Variants in PHF24 observed in about 807,000 individuals in gnomAD.
PHF24 encodes PHD finger protein 24, also known as Galpha inhibitory interacting protein.
PHF24 carries 25 observed loss-of-function variants against 42.6 expected under a neutral mutation model. The observed-to-expected ratio is 0.59, with a 90% CI of 0.43 to 0.82. PHF24 has a LOEUF of 0.82. Ranked by LOEUF, PHF24 falls within the 40% of genes least tolerant of loss-of-function variation. PHF24 has a pLI of 0.00. For synonymous variants in PHF24, 185 were observed against 204.8 expected (o/e 0.90, Z 0.83); for missense variants, 470 against 538.1 (o/e 0.87, Z 1.25).
the PHF24 span, among the ~76,000 whole-genome samples, chr9:34,932,302 G>C: frequency 6.6e-6 from 1 of 152,220 alleles, no homozygotes; most frequent in South Asian, 2.1e-4. Flanking sequence ...AGAACTCCAG[G>C]GATGTGGTAA....
the PHF24 span, among the ~76,000 whole-genome samples, chr9:34,684,690 T>G: frequency 6.6e-6 from 1 of 152,176 alleles, no homozygotes. Flanking sequence ...GAGAGGACCC[T>G]TGAAATGATG....
intron 2 of PHF24, 139 bp from the exon 3 acceptor site, chr9:34,972,207 C>CA (rs1827016668): frequency 1.4e-6 from 1 of 712,326 alleles, no homozygotes. Context: ...AAAACCTCAA[C>CA]AATGGCTTCA....
At chr9:34,739,784 G>A in the PHF24 span, among the ~76,000 whole-genome samples, 3 of 152,144 alleles carry the variant, frequency 2.0e-5, no homozygotes, top group African/African-American at 7.2e-5. Context: ...CCAGCGTGTT[G>A]CCGCTGCTGG....
chr9:34,723,180 G>C, the PHF24 span: 2 of 1,514,742 alleles, frequency 1.3e-6, no homozygotes, highest in African/African-American at 2.8e-5. Context: ...TCATGGCTCT[G>C]CATGTTCTCC....
chr9:34,857,684 C>T, the PHF24 span, among the ~76,000 whole-genome samples: 1 of 152,206 alleles, frequency 6.6e-6, no homozygotes, highest in Non-Finnish European at 1.5e-5. Context: ...GCAGAATTCA[C>T]TAGCCATTTT....
the PHF24 span, among the ~76,000 whole-genome samples, chr9:34,880,296 C>T: frequency 2.0e-5 from 3 of 151,626 alleles, no homozygotes; most frequent in Non-Finnish European, 4.4e-5. Context: ...CATCAACTAA[C>T]GAGCAAAATA....
the PHF24 span, among the ~76,000 whole-genome samples, chr9:34,793,637 T>C: frequency 6.6e-6 from 1 of 152,136 alleles, no homozygotes; most frequent in Non-Finnish European, 1.5e-5. Context: ...GCCTGCAGTC[T>C]AGAAGTGAGT....
At chr9:34,773,806 A>G in the PHF24 span, among the ~76,000 whole-genome samples, 1 of 152,192 alleles carries the variant, frequency 6.6e-6, no homozygotes, top group East Asian at 1.9e-4. Context: ...AAAACTGTCA[A>G]GGTCGTAAAA....
the PHF24 span, among the ~76,000 whole-genome samples, chr9:34,864,004 A>T: frequency 6.6e-6 from 1 of 152,276 alleles, no homozygotes; most frequent in African/African-American, 2.4e-5. Context: ...TACAGCTGAC[A>T]TACTGAAGAA....
the PHF24 span, among the ~76,000 whole-genome samples, chr9:34,867,868 G>T: frequency 1.3e-5 from 2 of 152,068 alleles, no homozygotes; most frequent in South Asian, 4.1e-4. Flanking sequence ...ACCTGTAAGT[G>T]TAGATACTGT....
chr9:34,859,358 AG>A, the PHF24 span, among the ~76,000 whole-genome samples: 8 of 152,196 alleles, frequency 5.3e-5, no homozygotes. Context: ...TTTCAGTTTG[AG>A]GGGGGAATTG....
the PHF24 span, among the ~76,000 whole-genome samples, chr9:34,909,415 G>A: frequency 6.6e-6 from 1 of 152,038 alleles, no homozygotes; most frequent in East Asian, 1.9e-4. Context: ...GACATTTCAC[G>A]TGTTCTGCCT....
chr9:34,781,740 G>A, the PHF24 span, among the ~76,000 whole-genome samples: 10 of 151,796 alleles, frequency 6.6e-5, no homozygotes, highest in African/African-American at 2.4e-4. Flanking sequence ...AAAAAGCATT[G>A]TAGGAAGTAG....
At chr9:34,674,733 T>C in the PHF24 span, among the ~76,000 whole-genome samples, 1 of 152,256 alleles carries the variant, frequency 6.6e-6, no homozygotes, top group African/African-American at 2.4e-5. Flanking sequence ...ACGATTGTAG[T>C]GTGTCCTTGG....
chr9:34,912,290 A>G, the PHF24 span, among the ~76,000 whole-genome samples: 1 of 152,034 alleles, frequency 6.6e-6, no homozygotes, highest in Non-Finnish European at 1.5e-5. Context: ...TTCTCTAACT[A>G]CCTTGTCCTG....
chr9:34,837,745 C>T, the PHF24 span: 1 of 1,258,290 alleles, frequency 7.9e-7, no homozygotes, highest in Non-Finnish European at 1.1e-6. Context: ...ACACCATTTT[C>T]TTTCTCATGT....
At chr9:34,715,799 C>T in the PHF24 span, among the ~76,000 whole-genome samples, 202 of 152,302 alleles carry the variant, frequency 1.3e-3, 1 homozygote, top group African/African-American at 4.5e-3. Context: ...GGCCCACTAC[C>T]TCTCTAGGAC....
At chr9:34,974,660 G>A (rs548987664) in intron 3 of PHF24, among the ~76,000 whole-genome samples, 12 of 151,882 alleles carry the variant, frequency 7.9e-5, no homozygotes, top group East Asian at 3.9e-4. Flanking sequence ...TTCTCACTGC[G>A]CCCTCTTTGG....
the PHF24 span, among the ~76,000 whole-genome samples, chr9:34,677,281 AG>A: frequency 6.6e-6 from 1 of 151,048 alleles, no homozygotes; most frequent in Non-Finnish European, 1.5e-5. Context: ...GCCACCACCT[AG>A]GTTAGGCCAG....
Sources: allele counts gnomAD v4.1 joint callset (sites outside exome capture counted in the v4.1 genomes callset), GRCh38; gene constraint gnomAD v4.1.1; transcripts MANE v1.5; gene names NCBI Gene and HGNC (gene_info 2026-07-23, HGNC 2026-07-21).